Variants in TUBB8B observed in about 807,000 individuals in gnomAD.
The protein encoded by TUBB8B is tubulin beta 8B.
Under a neutral mutation model 31.9 loss-of-function variants are expected in TUBB8B, and 26 were observed. That is an observed-to-expected ratio of 0.81 (90% confidence interval 0.60 to 1.13). The LOEUF (loss-of-function observed/expected upper bound fraction) is 1.13, where lower values mean the gene tolerates loss of function less well. Ranked by LOEUF, TUBB8B falls within the 50% of genes most tolerant of loss-of-function variation. The pLI, the probability that TUBB8B is intolerant of heterozygous loss-of-function variation, is 0.00. For missense variants in TUBB8B, 467 were observed against 586.7 expected (o/e 0.80, Z 2.11); for synonymous variants, 173 against 231.0 (o/e 0.75, Z 2.28).
the TUBB8B span, among the ~76,000 whole-genome samples, chr18:72,800 T>G: frequency 2.6e-5 from 4 of 152,154 alleles, no homozygotes; most frequent in South Asian, 8.3e-4. Flanking sequence ...AAACCCCGTC[T>G]CTACTAAAAA....
chr18:56,195 T>C, the TUBB8B span, among the ~76,000 whole-genome samples: 1 of 151,968 alleles, frequency 6.6e-6, no homozygotes, highest in South Asian at 2.1e-4. Flanking sequence ...TTTATGTCTT[T>C]TTATTCTAGT....
chr18:48,884 G>A (rs1188384246), intron 3 of TUBB8B, 56 bp downstream of exon 3: 29 of 1,259,092 alleles, frequency 2.3e-5, no homozygotes, highest in African/African-American at 4.3e-5. Context: ...GGGCACTCCT[G>A]GATTTTGAGC....
the TUBB8B span, chr18:73,194 A>G: frequency 1.3e-5 from 2 of 153,286 alleles, no homozygotes; most frequent in Non-Finnish European, 2.9e-5. Context: ...TGACTCGCCC[A>G]AGCCTCCATG....
the TUBB8B span, among the ~76,000 whole-genome samples, chr18:67,467 A>G: frequency 6.6e-6 from 1 of 152,224 alleles, no homozygotes; most frequent in Non-Finnish European, 1.5e-5. Flanking sequence ...CAGTCTCTAG[A>G]GTAACTGGAA....
At chr18:56,431 T>C in the TUBB8B span, among the ~76,000 whole-genome samples, 71 of 152,000 alleles carry the variant, frequency 4.7e-4, 2 homozygotes, top group East Asian at 0.012. Flanking sequence ...TTTTTTAAAA[T>C]ACTGATTCTT....
chr18:50,060 C>G (rs867407381), upstream of TUBB8B: 3 of 370,170 alleles, frequency 8.1e-6, no homozygotes, highest in Non-Finnish European at 1.6e-5. Context: ...GCAGTTCAAA[C>G]CCGCAGTAAG....
intron 3 of TUBB8B, 147 bp downstream of exon 3, chr18:48,793 G>T: frequency 4.1e-6 from 3 of 726,110 alleles, no homozygotes; most frequent in Non-Finnish European, 7.4e-6. Context: ...AGCCCATTTA[G>T]GAGGCAGATG....
the TUBB8B span, among the ~76,000 whole-genome samples, chr18:62,609 A>G: frequency 6.2e-3 from 932 of 151,304 alleles, 24 homozygotes; most frequent in Non-Finnish European, 0.01. Context: ...TTTTAGTAGA[A>G]ATGGTGTTTC....
intron 3 of TUBB8B, chr18:48,722 G>T: frequency 1.4e-6 from 1 of 692,620 alleles, no homozygotes; most frequent in Non-Finnish European, 2.6e-6. Flanking sequence ...CCCCAGCTCA[G>T]CTCCCGGCAG....
chr18:73,261 C>G, the TUBB8B span: 2 of 160,834 alleles, frequency 1.2e-5, no homozygotes, highest in Non-Finnish European at 2.9e-5. Context: ...GGAAACGCGG[C>G]CGCGCTCGCT....
At chr18:59,001 T>A in the TUBB8B span, among the ~76,000 whole-genome samples, 1 of 151,658 alleles carries the variant, frequency 6.6e-6, no homozygotes, top group East Asian at 1.9e-4. Context: ...TACACACTTT[T>A]AAATAACCAG....
the TUBB8B span, among the ~76,000 whole-genome samples, chr18:63,749 ACCCTAG>A: frequency 8.1e-6 from 1 of 123,716 alleles, no homozygotes; most frequent in Non-Finnish European, 1.7e-5. Flanking sequence ...TCTAACCCTA[ACCCTAG>A]CCCTAACCCT....
At chr18:72,821 GC>G in the TUBB8B span, among the ~76,000 whole-genome samples, 2 of 152,056 alleles carry the variant, frequency 1.3e-5, no homozygotes, top group African/African-American at 4.8e-5. Flanking sequence ...TACAAAATTA[GC>G]CGGGCGTGGT....
upstream of TUBB8B, among the ~76,000 whole-genome samples, chr18:51,082 GC>G (rs1430506550): frequency 2.6e-5 from 4 of 151,310 alleles, no homozygotes; most frequent in African/African-American, 9.8e-5. Context: ...AATTAACTCA[GC>G]TTTTTGAGCT....
At chr18:62,063 G>C in the TUBB8B span, among the ~76,000 whole-genome samples, 1 of 151,690 alleles carries the variant, frequency 6.6e-6, no homozygotes, top group African/African-American at 2.4e-5. Context: ...GTCGGAAAAA[G>C]TTCTTATTTC....
upstream of TUBB8B, among the ~76,000 whole-genome samples, chr18:53,075 A>G (rs964683597): frequency 1.3e-5 from 2 of 151,724 alleles, no homozygotes; most frequent in African/African-American, 4.8e-5. Context: ...GGCCATAAAT[A>G]TTCTGCAGTT....
the TUBB8B span, among the ~76,000 whole-genome samples, chr18:68,209 G>A: frequency 6.6e-6 from 1 of 152,088 alleles, no homozygotes; most frequent in African/African-American, 2.4e-5. Flanking sequence ...TAGGAATCTT[G>A]CAATAGCAGT....
chr18:57,734 G>T, the TUBB8B span, among the ~76,000 whole-genome samples: 2 of 151,834 alleles, frequency 1.3e-5, no homozygotes, highest in South Asian at 4.2e-4. Flanking sequence ...TTTCTTCACT[G>T]CATTGTTTTA....
At chr18:68,278 A>G in the TUBB8B span, among the ~76,000 whole-genome samples, 2 of 152,170 alleles carry the variant, frequency 1.3e-5, no homozygotes, top group African/African-American at 4.8e-5. Context: ...ACTCCACACA[A>G]AACACTCCAG....
Sources: allele counts gnomAD v4.1 joint callset (sites outside exome capture counted in the v4.1 genomes callset), GRCh38; gene constraint gnomAD v4.1.1; transcripts MANE v1.5; gene names NCBI Gene and HGNC (gene_info 2026-07-23, HGNC 2026-07-21).